The following CNTNAP5 variants were observed in gnomAD, a reference collection of about 807,000 sequenced individuals.
The protein encoded by CNTNAP5 is contactin associated protein family member 5, also known as contactin-associated protein-like 5.
In CNTNAP5, 72 loss-of-function variants were observed where a neutral mutation model predicts 150.2. That is an observed-to-expected ratio of 0.48 (90% CI 0.40 to 0.58). The LOEUF (loss-of-function observed/expected upper bound fraction) is 0.58. Among genes scored for constraint, CNTNAP5 ranks in the 20% least tolerant of loss-of-function variants. CNTNAP5 has a pLI of 0.00. For missense variants in CNTNAP5, 1,636 were observed against 1,626.2 expected, an observed-to-expected ratio of 1.01 and a Z score of -0.10; for synonymous variants, 672 against 619.8, an observed-to-expected ratio of 1.08 and a Z score of -1.25.
In CNTNAP5 at chr2:124,356,311, T is replaced by C. The variant is rs993264351; in HGVS notation, c.382-61132T>C. On this transcript the variant is annotated intron_variant, in intron 3 of 23. Transcript: ENST00000682447. Reference sequence around the variant, plus strand: ...GATCCATAGAACCTCAACATCTTTTTTTTTTTTTTTTATACTTTAGGTTTT... The same window carrying C: ...GATCCATAGAACCTCAACATCTTTTCTTTTTTTTTTTATACTTTAGGTTTT... Among the ~76,000 whole-genome samples the C allele has an allele frequency of 3.5e-3, 525 of 152,124 alleles. 4 individuals are homozygous for C. Among genetic ancestry groups the C allele is most frequent in the African/African-American group, 0.011 (474 of 41,532 alleles).
intron 16 of CNTNAP5, among the ~76,000 whole-genome samples, chr2:124,770,751 A>G (rs1271714332): frequency 2.6e-5 from 4 of 152,190 alleles, no homozygotes; most frequent in Non-Finnish European, 5.9e-5. Context: ...CCTGAAGCCA[A>G]TTTGCCTAGG....
intron 11 of CNTNAP5, among the ~76,000 whole-genome samples, chr2:124,592,458 C>G (rs960829216): frequency 2.0e-4 from 31 of 151,438 alleles, no homozygotes; most frequent in African/African-American, 7.3e-4. Context: ...AATATCTATG[C>G]TCATGATATG....
intron 13 of CNTNAP5, among the ~76,000 whole-genome samples, chr2:124,652,508 A>G (rs1678344292): frequency 6.6e-6 from 1 of 152,220 alleles, no homozygotes; most frequent in Admixed American, 6.5e-5. Context: ...GCGACATGTG[A>G]TGAGCATACG....
intron 19 of CNTNAP5, among the ~76,000 whole-genome samples, chr2:124,804,676 C>T (rs543164997): frequency 1.1e-4 from 16 of 152,204 alleles, no homozygotes; most frequent in African/African-American, 3.4e-4. Flanking sequence ...AGGAAAAGAG[C>T]CCTCAACAGG....
At chr2:124,175,227 A>T (rs569934490) in intron 1 of CNTNAP5, among the ~76,000 whole-genome samples, 6 of 152,352 alleles carry the variant, frequency 3.9e-5, no homozygotes, top group South Asian at 2.1e-4. Context: ...TGGGATCTAC[A>T]CATACATATG....
intron 1 of CNTNAP5, among the ~76,000 whole-genome samples, chr2:124,130,603 T>C (rs1558767850): frequency 6.6e-6 from 1 of 152,142 alleles, no homozygotes; most frequent in Non-Finnish European, 1.5e-5. Flanking sequence ...CTATCTTCTT[T>C]ATAGGTGCAG....
intron 13 of CNTNAP5, among the ~76,000 whole-genome samples, chr2:124,740,537 G>A (rs1027436048): frequency 2.0e-5 from 3 of 152,092 alleles, no homozygotes; most frequent in African/African-American, 7.2e-5. Flanking sequence ...CATGTGGGAC[G>A]GAAGAAGGGC....
Position 124,093,492 on chromosome 2 carries a change from T to A in CNTNAP5, c.82+67760T>A, listed in dbSNP as rs559175641. ...GATTTGCTATTAGATGAATGCTTAA[T>A]GATTCTTGGTAAATGCCTGAATATG... On this transcript the variant is annotated intron_variant, in intron 1 of 23. Coordinates refer to ENST00000682447, the MANE Select transcript of CNTNAP5 (RefSeq NM_001367498.1). Among the ~76,000 whole-genome samples, 7 of 152,366 alleles carry A rather than the reference T, an allele frequency of 4.6e-5. No homozygotes were observed. In the South Asian group the frequency reaches 1.4e-3, roughly 32 times the overall value.
intron 1 of CNTNAP5, among the ~76,000 whole-genome samples, chr2:124,122,107 G>A (rs1397082870): frequency 6.6e-6 from 1 of 152,040 alleles, no homozygotes; most frequent in Non-Finnish European, 1.5e-5. Flanking sequence ...CAGATTCATG[G>A]CTCGTTATGC....
chr2:124,529,917 G>A (rs368475457), intron 10 of CNTNAP5, among the ~76,000 whole-genome samples: 8 of 152,166 alleles, frequency 5.3e-5, no homozygotes, highest in South Asian at 2.1e-4. Flanking sequence ...GTGGGATCCC[G>A]CCCTGCCAGC....
intron 21 of CNTNAP5, among the ~76,000 whole-genome samples, chr2:124,894,027 A>G (rs918274494): frequency 1.4e-4 from 22 of 152,134 alleles, no homozygotes; most frequent in Non-Finnish European, 2.5e-4. Context: ...GTTTTATTAC[A>G]TATGTGTTAA....
At chr2:124,141,956 A>C (rs1298327152) in intron 1 of CNTNAP5, among the ~76,000 whole-genome samples, 1 of 116,678 alleles carries the variant, frequency 8.6e-6, no homozygotes, top group African/African-American at 3.3e-5. Context: ...TCTACCAAGC[A>C]AATGGAAAAC....
intron 21 of CNTNAP5, among the ~76,000 whole-genome samples, chr2:124,894,779 C>T (rs895182529): frequency 6.6e-6 from 1 of 151,232 alleles, no homozygotes; most frequent in Admixed American, 6.6e-5. Flanking sequence ...TTTTGAACTC[C>T]TGGGATCAAG....
intron 13 of CNTNAP5, among the ~76,000 whole-genome samples, chr2:124,691,067 C>G (rs982226841): frequency 2.1e-4 from 32 of 152,048 alleles, no homozygotes; most frequent in African/African-American, 7.2e-4. Context: ...TATATTTAGG[C>G]TCAACACAAT....
At chr2:124,524,477 G>A (rs904347116) in intron 9 of CNTNAP5, 25 bp downstream of exon 9, 6 of 1,582,592 alleles carry the variant, frequency 3.8e-6, no homozygotes, top group Admixed American at 1.8e-5. Flanking sequence ...CTTTAAGAGG[G>A]AAAATTAAGA....
intron 12 of CNTNAP5, among the ~76,000 whole-genome samples, chr2:124,632,570 G>T (rs1317366594): frequency 7.9e-5 from 12 of 151,906 alleles, no homozygotes; most frequent in Admixed American, 7.2e-4. Flanking sequence ...TGGGGGAGGG[G>T]AGTGCATTAG....
intron 3 of CNTNAP5, among the ~76,000 whole-genome samples, chr2:124,346,386 A>G (rs931459966): frequency 1.3e-5 from 2 of 152,204 alleles, no homozygotes; most frequent in African/African-American, 2.4e-5. Flanking sequence ...GAAAAGCAAG[A>G]TAGATAAAGT....
chr2:124,861,234 T>C (rs1218565347), intron 19 of CNTNAP5, among the ~76,000 whole-genome samples: 1 of 152,036 alleles, frequency 6.6e-6, no homozygotes, highest in African/African-American at 2.4e-5. Flanking sequence ...GATTTTCAAT[T>C]TTTTAGAAAA....
At chr2:124,545,855 G>A (rs1421337262) in intron 10 of CNTNAP5, among the ~76,000 whole-genome samples, 1 of 152,184 alleles carries the variant, frequency 6.6e-6, no homozygotes, top group Non-Finnish European at 1.5e-5. Context: ...TACTGGGCAG[G>A]CTGAGGTGGC....
Sources: allele counts gnomAD v4.1 joint callset (sites outside exome capture counted in the v4.1 genomes callset), GRCh38; gene constraint gnomAD v4.1.1; transcripts MANE v1.5; gene names NCBI Gene and HGNC (gene_info 2026-07-23, HGNC 2026-07-21).